ARB2A: variants seen among roughly 807,000 people sequenced by gnomAD.
The protein encoded by ARB2A is ARB2 cotranscriptional regulator A.
the ARB2A span, among the ~76,000 whole-genome samples, chr5:93,796,058 C>T: frequency 6.6e-6 from 1 of 152,116 alleles, no homozygotes; most frequent in Non-Finnish European, 1.5e-5. Context: ...TGGCGTAATA[C>T]GCTGAAACCT....
At chr5:93,767,241 CA>C in the ARB2A span, among the ~76,000 whole-genome samples, 1 of 151,986 alleles carries the variant, frequency 6.6e-6, no homozygotes, top group African/African-American at 2.4e-5. Context: ...AGACAATTCT[CA>C]AAAGAAGATA....
At chr5:93,710,881 A>G in the ARB2A span, among the ~76,000 whole-genome samples, 1 of 152,248 alleles carries the variant, frequency 6.6e-6, no homozygotes, top group Non-Finnish European at 1.5e-5. Context: ...AAAATAGGTT[A>G]CAACACATTA....
the ARB2A span, among the ~76,000 whole-genome samples, chr5:93,765,849 A>G: frequency 6.6e-6 from 1 of 152,164 alleles, no homozygotes; most frequent in Admixed American, 6.5e-5. Context: ...GATATAGACC[A>G]ATGGAACACA....
chr5:93,662,996 G>A, the ARB2A span, among the ~76,000 whole-genome samples: 1 of 152,160 alleles, frequency 6.6e-6, no homozygotes, highest in African/African-American at 2.4e-5. Flanking sequence ...AAGCAGACAA[G>A]AGGGACAAAC....
the ARB2A span, among the ~76,000 whole-genome samples, chr5:94,083,747 G>A: frequency 6.7e-6 from 1 of 149,824 alleles, no homozygotes; most frequent in South Asian, 2.1e-4. Context: ...ATTTTAAAAA[G>A]GAAATCAAAG....
At chr5:94,092,197 T>C in the ARB2A span, among the ~76,000 whole-genome samples, 1 of 150,790 alleles carries the variant, frequency 6.6e-6, no homozygotes, top group African/African-American at 2.4e-5. Context: ...ATACAAAAAA[T>C]TAGCCAGGTG....
chr5:93,809,705 G>T, the ARB2A span, among the ~76,000 whole-genome samples: 53 of 152,068 alleles, frequency 3.5e-4, no homozygotes, highest in African/African-American at 1.2e-3. Context: ...GCATGAAGTA[G>T]CAGGTTAATT....
chr5:93,849,020 C>T, the ARB2A span, among the ~76,000 whole-genome samples: 4 of 152,148 alleles, frequency 2.6e-5, no homozygotes, highest in African/African-American at 9.7e-5. Flanking sequence ...AATTAATTGT[C>T]ATAAGTTAAA....
At chr5:93,938,596 GT>G in the ARB2A span, among the ~76,000 whole-genome samples, 1 of 152,136 alleles carries the variant, frequency 6.6e-6, no homozygotes, top group Non-Finnish European at 1.5e-5. Context: ...TTTTGTATAA[GT>G]TATCCTCCAC....
chr5:93,881,631 G>C, the ARB2A span: 1 of 1,602,888 alleles, frequency 6.2e-7, no homozygotes, highest in Admixed American at 1.7e-5. Flanking sequence ...TGTATCTTCG[G>C]CTTTTCTACT....
At chr5:93,854,909 C>A in the ARB2A span, among the ~76,000 whole-genome samples, 1 of 151,984 alleles carries the variant, frequency 6.6e-6, no homozygotes, top group African/African-American at 2.4e-5. Flanking sequence ...AGGCATGCTG[C>A]AGTGCTGAAA....
the ARB2A span, among the ~76,000 whole-genome samples, chr5:93,879,784 C>CAA: frequency 6.7e-6 from 1 of 149,152 alleles, no homozygotes; most frequent in African/African-American, 2.5e-5. Flanking sequence ...ATGTCACAGG[C>CAA]AAAAAAAAAT....
chr5:93,911,480 T>C, the ARB2A span, among the ~76,000 whole-genome samples: 9 of 151,806 alleles, frequency 5.9e-5, no homozygotes, highest in South Asian at 1.7e-3. Flanking sequence ...TGGAAATCTA[T>C]GAAGAAGTAC....
chr5:93,716,693 C>CAAAAAAAAAAAA, the ARB2A span, among the ~76,000 whole-genome samples: 2 of 36,680 alleles, frequency 5.5e-5, no homozygotes, highest in Non-Finnish European at 1.2e-4. Context: ...ATAAGCTGTG[C>CAAAAAAAAAAAA]AAAAAAAAAA....
the ARB2A span, among the ~76,000 whole-genome samples, chr5:94,106,026 A>C: frequency 6.6e-6 from 1 of 152,080 alleles, no homozygotes; most frequent in Non-Finnish European, 1.5e-5. Context: ...AAACTATAAA[A>C]ACTCTAAAAG....
chr5:93,864,032 C>T, the ARB2A span, among the ~76,000 whole-genome samples: 1 of 152,192 alleles, frequency 6.6e-6, no homozygotes, highest in East Asian at 1.9e-4. Context: ...CCACTATGTG[C>T]CAGACACTGT....
At chr5:93,971,392 ACCCTGTCT>A in the ARB2A span, among the ~76,000 whole-genome samples, 2 of 151,940 alleles carry the variant, frequency 1.3e-5, no homozygotes, top group South Asian at 4.2e-4. Flanking sequence ...ACGTGGCAAA[ACCCTGTCT>A]CTACTAAAAA....
the ARB2A span, among the ~76,000 whole-genome samples, chr5:93,678,215 T>A: frequency 1.3e-5 from 2 of 152,240 alleles, no homozygotes; most frequent in African/African-American, 4.8e-5. Context: ...GAACCTACTA[T>A]AGAAATCGCA....
chr5:93,889,231 T>C, the ARB2A span, among the ~76,000 whole-genome samples: 1 of 151,878 alleles, frequency 6.6e-6, no homozygotes, highest in Admixed American at 6.6e-5. Flanking sequence ...TTAAGAGTGG[T>C]ATTTAAACTT....
Sources: gnomAD v4.1 joint callset for allele counts (sites outside exome capture counted in the v4.1 genomes callset) on GRCh38, gnomAD v4.1.1 for gene constraint, MANE v1.5 for transcripts, NCBI Gene and HGNC (gene_info 2026-07-23, HGNC 2026-07-21) for gene names.